The following NSUN3 variants were observed in gnomAD, a reference collection of about 807,000 sequenced individuals.
The protein encoded by NSUN3 is tRNA (cytosine(34)-C(5))-methyltransferase, mitochondrial.
Under a neutral mutation model 36.8 loss-of-function variants are expected in NSUN3, and 24 were observed. The observed-to-expected ratio is 0.65, with a 90% CI of 0.47 to 0.92. NSUN3 has a LOEUF of 0.92. Ranked by LOEUF, NSUN3 falls within the 40% of genes least tolerant of loss-of-function variation. NSUN3 has a pLI of 0.00. For missense variants in NSUN3, 381 were observed against 392.8 expected, an observed-to-expected ratio of 0.97 and a Z score of 0.25; for synonymous variants, 146 against 145.2, an observed-to-expected ratio of 1.01 and a Z score of -0.04.
At chr3:94,118,907 C>T (rs1044993323) in intron 5 of NSUN3, among the ~76,000 whole-genome samples, 1 of 152,042 alleles carries the variant, frequency 6.6e-6, no homozygotes, top group Non-Finnish European at 1.5e-5. Context: ...TCTTAGTGGG[C>T]TTGTTAAGAC....
chr3:94,077,319 T>G, intron 2 of NSUN3: 1 of 454,144 alleles, frequency 2.2e-6, no homozygotes, highest in East Asian at 3.6e-5. Flanking sequence ...CTTATTGATG[T>G]GCTACTGGAT....
At chr3:94,104,349 G>C (rs1342540894) in intron 5 of NSUN3, among the ~76,000 whole-genome samples, 2 of 152,188 alleles carry the variant, frequency 1.3e-5, no homozygotes, top group Non-Finnish European at 2.9e-5. Context: ...TTATTAAATA[G>C]TAAAGCTTGA....
Position 94,127,917 on chromosome 3 carries a change from A to G in NSUN3, c.*1427A>G, listed in dbSNP as rs1238252212. On this transcript the variant is annotated 3_prime_UTR_variant, in exon 6 of 6. Transcript: ENST00000314622. ...ATTTGTTTTCCTTTATGTCCAATTG[A>G]TATGTTTAAAGTAAAGCTAAAGTCC... The G allele has an allele frequency of 6.6e-6, 1 of 151,858 alleles. No homozygotes were observed. The highest frequency in any genetic ancestry group is 1.5e-5 in the Non-Finnish European group (1 of 67,968). 9.4% of individuals were successfully genotyped at this position (151,858 alleles called of 1,614,324 possible).
Position 94,094,218 on chromosome 3 carries a change from C to G in NSUN3, c.545C>G (p.Pro182Arg). The change falls in exon 4 of 6, where the codon CCT becomes CGT. Residue 182 changes from proline (P) to arginine (R), a missense_variant. Physicochemically the swap from Pro to Arg is moderately radical, Grantham distance 103. Coordinates refer to ENST00000314622, the MANE Select transcript of NSUN3 (RefSeq NM_022072.5). ...ACGTTGGAATCTTTCATCCCACAGCCTTTGATAAATGTAATTAAAGTGTCT... is the reference window on the plus strand; with the variant it reads ...ACGTTGGAATCTTTCATCCCACAGCGTTTGATAAATGTAATTAAAGTGTCT... ...RQTLESFIPQPLINVIKVSEL... is the reference protein window; with the variant it reads ...RQTLESFIPQRLINVIKVSEL... 6.2e-7 allele frequency: 1 copy of G among 1,613,656 alleles called. No individual in the cohort carries two copies. Among genetic ancestry groups the G allele is most frequent in the Non-Finnish European group, 8.5e-7 (1 of 1,179,672 alleles).
At position 94,127,711 on chromosome 3, in the gene NSUN3, A is replaced by T. The variant is rs1043362253; in HGVS notation, c.*1221A>T. 1.3e-5 allele frequency: 2 copies of T among 152,204 alleles called. No homozygotes were observed. The highest frequency in any genetic ancestry group is 4.8e-5 in the African/African-American group (2 of 41,438). The allele number at this position is 152,204 out of a possible 1,614,324, so 9.4% of individuals were successfully genotyped here. ...TAAAAAAAAACAACTTTATCTGATT[A>T]TAGAAATACAAAATTCTGCTAAAGC... On this transcript the variant is annotated 3_prime_UTR_variant, in exon 6 of 6. Transcript: ENST00000314622.
At chr3:94,123,836 G>A (rs2077473987) in intron 5 of NSUN3, among the ~76,000 whole-genome samples, 1 of 151,940 alleles carries the variant, frequency 6.6e-6, no homozygotes, top group African/African-American at 2.4e-5. Flanking sequence ...TTTCTGAAAT[G>A]GCAAACTGTT....
At chr3:94,082,875 C>T (rs985216493) in intron 2 of NSUN3, among the ~76,000 whole-genome samples, 1 of 152,126 alleles carries the variant, frequency 6.6e-6, no homozygotes, top group Non-Finnish European at 1.5e-5. Context: ...AGCCACTCAT[C>T]GCCTCATTAA....
chr3:94,099,582 C>A (rs975303657), intron 5 of NSUN3, among the ~76,000 whole-genome samples: 19 of 152,034 alleles, frequency 1.2e-4, no homozygotes, highest in Non-Finnish European at 2.4e-4. Flanking sequence ...TCCTGGCCTG[C>A]CTGAGAGGTT....
At position 94,064,417 on chromosome 3, in the gene NSUN3, A is replaced by G. The variant is rs756283986; in HGVS notation, c.13-20A>G. On this transcript the variant is annotated intron_variant, in intron 1 of 5. Coordinates refer to ENST00000314622, the MANE Select transcript of NSUN3 (RefSeq NM_022072.5). ...TTTGTAATATCACTGTGTGTCAGCAACTTTTTCTTATCGTCATAGCTGAAA... is the reference window on the plus strand; with the variant it reads ...TTTGTAATATCACTGTGTGTCAGCAGCTTTTTCTTATCGTCATAGCTGAAA... 6.6e-7 allele frequency: 1 copy of G among 1,516,614 alleles called. No homozygotes were observed. The highest frequency in any genetic ancestry group is 9.2e-7 in the Non-Finnish European group (1 of 1,091,772). 93.9% of individuals were successfully genotyped at this position (1,516,614 alleles called of 1,614,324 possible).
At chr3:94,072,160 G>A (rs1238061824) in intron 2 of NSUN3, among the ~76,000 whole-genome samples, 2 of 152,168 alleles carry the variant, frequency 1.3e-5, no homozygotes, top group Non-Finnish European at 2.9e-5. Flanking sequence ...GAGGGTTTCA[G>A]GGAGGTCATG....
intron 2 of NSUN3, among the ~76,000 whole-genome samples, chr3:94,082,890 ATTACTGTAGAGT>A (rs1221781169): frequency 1.3e-5 from 2 of 152,158 alleles, no homozygotes; most frequent in African/African-American, 2.4e-5. Flanking sequence ...CATTAACTCC[ATTACTGTAGAGT>A]TCACTGTAGT....
At chr3:94,072,811 T>A (rs190981543) in intron 2 of NSUN3, among the ~76,000 whole-genome samples, 29 of 152,246 alleles carry the variant, frequency 1.9e-4, no homozygotes, top group African/African-American at 2.6e-4. Flanking sequence ...CTCTTTTTTT[T>A]TTATTATTAT....
chr3:94,073,650 G>T (rs1181693004), intron 2 of NSUN3, among the ~76,000 whole-genome samples: 2 of 152,080 alleles, frequency 1.3e-5, no homozygotes, highest in African/African-American at 4.8e-5. Context: ...TGATGAGGTT[G>T]TTTTTTTCTC....
intron 4 of NSUN3, 44 bp from the exon 5 acceptor site, chr3:94,094,989 G>C: frequency 6.2e-7 from 1 of 1,603,406 alleles, no homozygotes; most frequent in Non-Finnish European, 8.5e-7. Context: ...CCTGAGAATA[G>C]ATTGTCAGTG....
chr3:94,120,636 C>G (rs2077457494), intron 5 of NSUN3, among the ~76,000 whole-genome samples: 1 of 152,172 alleles, frequency 6.6e-6, no homozygotes, highest in Admixed American at 6.6e-5. Flanking sequence ...TTCATCATAT[C>G]TATGTATCTG....
At chr3:94,076,498 T>C (rs929793910) in intron 2 of NSUN3, 1 of 786,254 alleles carries the variant, frequency 1.3e-6, no homozygotes, top group African/African-American at 1.7e-5. Flanking sequence ...CTACTACTAC[T>C]GTATGCCCTG....
intron 2 of NSUN3, among the ~76,000 whole-genome samples, chr3:94,068,369 T>A (rs1002871825): frequency 2.6e-5 from 4 of 152,204 alleles, no homozygotes; most frequent in African/African-American, 9.7e-5. Flanking sequence ...ATAGAGCTAT[T>A]GTGATTCTTT....
chr3:94,110,228 A>G (rs4857171), intron 5 of NSUN3, among the ~76,000 whole-genome samples: 12 of 141,618 alleles, frequency 8.5e-5, no homozygotes, highest in African/African-American at 1.2e-4. Flanking sequence ...TCAGTGATAG[A>G]AAGTTATCAG....
chr3:94,074,566 A>G (rs1329017434), intron 2 of NSUN3, among the ~76,000 whole-genome samples: 1 of 152,092 alleles, frequency 6.6e-6, no homozygotes, highest in Non-Finnish European at 1.5e-5. Context: ...CTTAGTAGCA[A>G]TTGTGGATGG....
Sources: gnomAD v4.1 joint callset for allele counts (sites outside exome capture counted in the v4.1 genomes callset) on GRCh38, gnomAD v4.1.1 for gene constraint, MANE v1.5 for transcripts, NCBI Gene and HGNC (gene_info 2026-07-23, HGNC 2026-07-21) for gene names.